CCDC73: variants seen among roughly 807,000 people sequenced by gnomAD.
The protein encoded by CCDC73 is coiled-coil domain containing 73, also known as coiled-coil domain-containing protein 73.
In CCDC73, 95 loss-of-function variants were observed where a neutral mutation model predicts 116.5. The observed-to-expected ratio is 0.82, with a 90% CI of 0.69 to 0.97. The LOEUF (loss-of-function observed/expected upper bound fraction) is 0.97. Ranked by LOEUF, CCDC73 falls within the 50% of genes least tolerant of loss-of-function variation. CCDC73 has a pLI of 0.00. For synonymous variants in CCDC73, 398 were observed against 401.3 expected (o/e 0.99, Z 0.10); for missense variants, 1,066 against 1,206.8 (o/e 0.88, Z 1.73).
chr11:32,798,420 A>G (rs1850741069), upstream of CCDC73, among the ~76,000 whole-genome samples: 2 of 152,014 alleles, frequency 1.3e-5, no homozygotes, highest in Admixed American at 1.3e-4. Context: ...AGTGATCCCC[A>G]CCTCAGCCTT....
At position 32,615,952 on chromosome 11, in the gene CCDC73, T is replaced by G; in HGVS notation, c.1363A>C (p.Ile455Leu). The change falls in exon 15 of 18, where the codon ATA becomes CTA. Residue 455 changes from isoleucine to leucine, a missense_variant. Ile to Leu is a conservative substitution (Grantham distance 5). Transcript: ENST00000335185. ...ATTTTAAGGTTACCATCTATAATTA[T>G]TTCCTCTATAAATGAGCCTTCTTTT... is the stretch of plus-strand genomic sequence containing the variant. ...EKKEGSFIEE[I>L]IIDDLQLFEK... is the part of the protein sequence containing the mutation. 2 of 1,559,140 alleles carry G rather than the reference T, an allele frequency of 1.3e-6. No individual in the cohort carries two copies. Among genetic ancestry groups the G allele is most frequent in the Non-Finnish European group, 1.8e-6 (2 of 1,142,246 alleles).
intron 12 of CCDC73, among the ~76,000 whole-genome samples, chr11:32,650,495 A>C (rs1170777719): frequency 1.3e-5 from 2 of 152,228 alleles, no homozygotes; most frequent in Non-Finnish European, 2.9e-5. Flanking sequence ...AAATTATATC[A>C]TATGTTGCTT....
chr11:32,680,708 A>T (rs1856136277), intron 7 of CCDC73: 1 of 152,068 alleles, frequency 6.6e-6, no homozygotes, highest in African/African-American at 2.4e-5. Flanking sequence ...ACTTCTGGAG[A>T]TAAAATTAGT....
intron 11 of CCDC73, among the ~76,000 whole-genome samples, 187 bp from the exon 12 acceptor site, chr11:32,653,414 C>T (rs1855844807): frequency 6.6e-6 from 1 of 152,056 alleles, no homozygotes; most frequent in Non-Finnish European, 1.5e-5. Flanking sequence ...CCAAGAGTCC[C>T]TCAAATAATT....
intron 1 of CCDC73, among the ~76,000 whole-genome samples, chr11:32,782,981 G>A (rs889875312): frequency 6.6e-6 from 1 of 152,036 alleles, no homozygotes; most frequent in Non-Finnish European, 1.5e-5. Flanking sequence ...AAAAGTCCCA[G>A]AAAGAGTGAA....
chr11:32,737,588 A>T (rs1352830597), intron 2 of CCDC73, among the ~76,000 whole-genome samples: 2 of 150,708 alleles, frequency 1.3e-5, no homozygotes, highest in African/African-American at 4.9e-5. Context: ...ACTGCACTCC[A>T]GCCTGGGCAA....
At chr11:32,723,422 A>G (rs1476106309) in intron 2 of CCDC73, among the ~76,000 whole-genome samples, 4 of 152,218 alleles carry the variant, frequency 2.6e-5, no homozygotes, top group Admixed American at 6.5e-5. Flanking sequence ...AGACCAAGAA[A>G]CTATCTGGAA....
At chr11:32,771,669 T>C (rs753516532) in intron 1 of CCDC73, among the ~76,000 whole-genome samples, 8 of 152,182 alleles carry the variant, frequency 5.3e-5, no homozygotes, top group African/African-American at 9.7e-5. Context: ...TTGAGCCCAA[T>C]ACTGTTTGGG....
Position 32,675,588 on chromosome 11 carries a change from C to A in CCDC73, c.622G>T (p.Ala208Ser). ...RLSALNKKQE[A>S]EICSLKKELK... is the part of the protein sequence containing the mutation. ...ACCTTCTTTAAACTGCATATTTCAG[C>A]TTCTTGTTTTTTATTTAAAGCTGAA... Residue 208 changes from alanine to serine, a missense_variant, in exon 9 of 18, where the codon GCT becomes TCT. By Grantham distance (99) the Ala-to-Ser change is moderately conservative (BLOSUM62 1). Transcript: ENST00000335185. The A allele has an allele frequency of 6.3e-7, 1 of 1,585,558 alleles. No homozygotes were observed. Among genetic ancestry groups the A allele is most frequent in the Non-Finnish European group, 8.6e-7 (1 of 1,168,698 alleles).
the CCDC73 span, among the ~76,000 whole-genome samples, chr11:32,802,323 G>A: frequency 6.6e-6 from 1 of 152,214 alleles, no homozygotes; most frequent in East Asian, 1.9e-4. Context: ...ACAGGAAAAT[G>A]TTCTTAAAAT....
intron 13 of CCDC73, among the ~76,000 whole-genome samples, chr11:32,638,661 T>C (rs1855703375): frequency 6.6e-6 from 1 of 151,990 alleles, no homozygotes; most frequent in East Asian, 2.0e-4. Context: ...GTATTGTTAG[T>C]AGAGACGGGG....
chr11:32,643,649 TA>T (rs1168593708), intron 12 of CCDC73, among the ~76,000 whole-genome samples: 1 of 151,990 alleles, frequency 6.6e-6, no homozygotes, highest in South Asian at 2.1e-4. Context: ...AAAGGTACAG[TA>T]AAAAAATAAA....
intron 2 of CCDC73, among the ~76,000 whole-genome samples, chr11:32,734,021 C>A (rs920381808): frequency 2.6e-5 from 4 of 152,124 alleles, no homozygotes; most frequent in African/African-American, 9.7e-5. Flanking sequence ...TGATTAACCA[C>A]TAGCAAGACT....
chr11:32,676,057 AAC>A (rs751892565), intron 7 of CCDC73, 36 bp from the exon 8 acceptor site: 73 of 1,520,622 alleles, frequency 4.8e-5, no homozygotes, highest in South Asian at 1.1e-4. Context: ...TTATACATAT[AAC>A]ACACACACAT....
At chr11:32,769,873 C>T (rs141176723) in intron 1 of CCDC73, among the ~76,000 whole-genome samples, 1 of 152,250 alleles carries the variant, frequency 6.6e-6, no homozygotes, top group Admixed American at 6.5e-5. Context: ...CAATATGTAA[C>T]TATTTTATTA....
chr11:32,663,269 T>C (rs989612349), intron 9 of CCDC73, among the ~76,000 whole-genome samples: 1 of 152,178 alleles, frequency 6.6e-6, no homozygotes, highest in East Asian at 1.9e-4. Context: ...AAATTACCTT[T>C]GGCAGTATGG....
intron 3 of CCDC73, among the ~76,000 whole-genome samples, chr11:32,707,050 T>G (rs1230669669): frequency 6.6e-6 from 1 of 152,128 alleles, no homozygotes; most frequent in Non-Finnish European, 1.5e-5. Flanking sequence ...TTTACTGATA[T>G]TGGCAGTAAG....
rs1590635556 is a variant in CCDC73 at position 32,763,063 on chromosome 11, A to G, written c.-15-2805T>C. 2.0e-5 allele frequency among the ~76,000 whole-genome samples: 3 copies of G among 152,026 alleles called. No individual in the cohort carries two copies. In the East Asian group the frequency reaches 5.8e-4, roughly 29 times the overall value. ...GTGAGCCTGAGGAAGGGCGCCCACC[A>G]TTGCTGAGGCTTCAGTAGGTAAACA... is the stretch of plus-strand genomic sequence containing the variant. On this transcript the variant is annotated intron_variant, in intron 1 of 17. Transcript: ENST00000335185.
At chr11:32,817,915 G>A in the CCDC73 span, among the ~76,000 whole-genome samples, 1 of 152,164 alleles carries the variant, frequency 6.6e-6, no homozygotes, top group Non-Finnish European at 1.5e-5. Flanking sequence ...GGCAGATATT[G>A]TTAATTAATC....
Sources: allele counts gnomAD v4.1 joint callset (sites outside exome capture counted in the v4.1 genomes callset), GRCh38; gene constraint gnomAD v4.1.1; transcripts MANE v1.5; gene names NCBI Gene and HGNC (gene_info 2026-07-23, HGNC 2026-07-21).